The following PCDHGA3 variants were observed in gnomAD, a reference collection of about 807,000 sequenced individuals.
PCDHGA3 encodes protocadherin gamma-A3.
PCDHGA3 carries 40 observed loss-of-function variants against 58.5 expected under a neutral mutation model. The observed-to-expected ratio is 0.68, with a 90% CI of 0.53 to 0.89. The LOEUF (loss-of-function observed/expected upper bound fraction) is 0.89, where lower values mean the gene tolerates loss of function less well. PCDHGA3 is among the 40% of genes least tolerant of loss of function. The pLI is 0.00. For missense variants in PCDHGA3, 1,223 were observed against 1,195.9 expected (o/e 1.02, Z -0.33); for synonymous variants, 530 against 525.7 (o/e 1.01, Z -0.11).
chr5:141,360,247 C>G (rs762222973), intron 1 of PCDHGA3: 2 of 1,613,916 alleles, frequency 1.2e-6, no homozygotes, highest in Non-Finnish European at 1.7e-6. Flanking sequence ...CTATTCAATT[C>G]CAGAGGAGCT....
intron 1 of PCDHGA3, chr5:141,370,706 G>T (rs536075571): frequency 1.2e-5 from 19 of 1,613,790 alleles, no homozygotes; most frequent in Middle Eastern, 1.6e-4. Context: ...CGTGTGTTCT[G>T]GAATTTGAAA....
chr5:141,408,239 C>A, intron 1 of PCDHGA3: 2 of 1,577,720 alleles, frequency 1.3e-6, no homozygotes, highest in South Asian at 2.3e-5. Flanking sequence ...CCGGGCCGGC[C>A]CGCGGCAGGT....
At position 141,462,908 on chromosome 5, in the gene PCDHGA3, T is replaced by G. The variant is rs186061013; in HGVS notation, c.2425-31899T>G. ...AGTTTGTTTTGGAAGGCTATTATGT[T>G]TTTTGCAGATCAGGTTGATCTTTTC... On this transcript the variant is annotated intron_variant, in intron 1 of 3. Coordinates refer to ENST00000253812, the MANE Select transcript of PCDHGA3 (RefSeq NM_018916.4). Among the ~76,000 whole-genome samples the G allele has an allele frequency of 1.4e-4, 21 of 152,362 alleles. No individual in the cohort carries two copies. The East Asian group carries it at 3.5e-3, about 25-fold the overall frequency.
At chr5:141,428,241 A>C (rs1416124194) in intron 1 of PCDHGA3, 1 of 961,518 alleles carries the variant, frequency 1.0e-6, no homozygotes, top group Admixed American at 2.0e-5. Flanking sequence ...TGCAGGAGGC[A>C]CTGCCAGACT....
rs1260157676 is a variant in PCDHGA3, at chr5:141,373,137, T to G, written c.2424+26680T>G. On this transcript the variant is annotated intron_variant, in intron 1 of 3. Transcript: ENST00000253812. ...CAGAATTAGACCCAAATCCTCACAA[T>G]TAAGTGGTTTACTTAGTTTTAATGC... Among the ~76,000 whole-genome samples, 5 of 152,372 alleles carry G rather than the reference T, an allele frequency of 3.3e-5. No individual in the cohort carries two copies. The East Asian group carries it at 7.7e-4, about 23-fold the overall frequency.
At chr5:141,376,418 C>T (rs1354597104) in intron 1 of PCDHGA3, 1 of 1,614,112 alleles carries the variant, frequency 6.2e-7, no homozygotes, top group Admixed American at 1.7e-5. Flanking sequence ...TGCCGACACG[C>T]TTATCAACCA....
At chr5:141,414,313 T>C in intron 1 of PCDHGA3, 1 of 1,613,748 alleles carries the variant, frequency 6.2e-7, no homozygotes, top group Non-Finnish European at 8.5e-7. Context: ...TGATTTAGAC[T>C]CTGAGCAGAA....
At chr5:141,458,567 TTTTGTTTG>T (rs144471304) in intron 1 of PCDHGA3, among the ~76,000 whole-genome samples, 1 of 151,488 alleles carries the variant, frequency 6.6e-6, no homozygotes, top group Non-Finnish European at 1.5e-5. Flanking sequence ...GGTTTTGGGT[TTTTGTTTG>T]TTTGTTTGTT....
Position 141,346,025 on chromosome 5 carries a change from G to A in PCDHGA3, c.1992G>A (p.Val664=). ...CCACTGTCACGCTCACCGTGGCCGT[G>A]GCCGACAGGATCCCCGACATCCTGG... is the stretch of plus-strand genomic sequence containing the variant. ...LSATVTLTVA[V]ADRIPDILAD... Residue 664 remains valine, a synonymous_variant, in exon 1 of 4, where the codon GTG becomes GTA. Transcript: ENST00000253812. The A allele has an allele frequency of 3.7e-6, 6 of 1,613,470 alleles. No individual in the cohort carries two copies. Among genetic ancestry groups the A allele is most frequent in the Non-Finnish European group, 5.1e-6 (6 of 1,179,828 alleles).
Position 141,398,900 on chromosome 5 carries a change from G to A in PCDHGA3, c.2424+52443G>A, listed in dbSNP as rs765284630. Reference sequence around the variant, plus strand: ...AGCCTTCGGGAAAACGTGCCACCAGGCACCACTGTGTTGCAAGTGTCAGCC... The same window carrying A: ...AGCCTTCGGGAAAACGTGCCACCAGACACCACTGTGTTGCAAGTGTCAGCC... On this transcript the variant is annotated intron_variant, in intron 1 of 3. Coordinates refer to ENST00000253812, the MANE Select transcript of PCDHGA3 (RefSeq NM_018916.4). The A allele has an allele frequency of 3.1e-6, 5 of 1,613,846 alleles. No individual in the cohort carries two copies. In the East Asian group the frequency reaches 6.7e-5, roughly 22 times the overall value.
At chr5:141,502,030 C>T (rs1031787021) in intron 2 of PCDHGA3, among the ~76,000 whole-genome samples, 4 of 152,180 alleles carry the variant, frequency 2.6e-5, no homozygotes, top group Non-Finnish European at 4.4e-5. Flanking sequence ...CAACCCCCGC[C>T]GCTTGCCTGC....
chr5:141,370,960 G>A, intron 1 of PCDHGA3: 2 of 1,614,014 alleles, frequency 1.2e-6, no homozygotes, highest in Non-Finnish European at 1.7e-6. Context: ...CTGGATGGCA[G>A]TAGGTACCCA....
At position 141,344,060 on chromosome 5, in the gene PCDHGA3, T is replaced by C. The variant is rs1314111216; in HGVS notation, c.27T>C (p.Asn9=). 2 of 1,563,350 alleles carry C rather than the reference T, an allele frequency of 1.3e-6. No individual in the cohort carries two copies. The highest frequency in any genetic ancestry group is 1.4e-5 in the African/African-American group (1 of 72,730). The change falls in exon 1 of 4, where the codon AAT becomes AAC. Residue 9 remains asparagine, a synonymous_variant. Coordinates refer to ENST00000253812, the MANE Select transcript of PCDHGA3 (RefSeq NM_018916.4). MTNCLSFR[N]GRGLALLCAL... Reference sequence around the variant, plus strand: ...TGACCAATTGCCTGAGTTTCCGAAATGGCAGAGGACTGGCCCTGCTGTGCG... The same window carrying C: ...TGACCAATTGCCTGAGTTTCCGAAACGGCAGAGGACTGGCCCTGCTGTGCG...
At chr5:141,376,288 G>T (rs753554580) in intron 1 of PCDHGA3, 1 of 1,614,216 alleles carries the variant, frequency 6.2e-7, no homozygotes, top group Non-Finnish European at 8.5e-7. Context: ...TAGCGAGCAT[G>T]CCCGGCTCGC....
intron 1 of PCDHGA3, chr5:141,442,120 C>G (rs766641164): frequency 6.0e-6 from 1 of 165,340 alleles, no homozygotes; most frequent in Admixed American, 6.5e-5. Flanking sequence ...CCCTCGTCGC[C>G]GACAGCCTGC....
chr5:141,487,258 G>A lies in PCDHGA3; in HGVS notation c.2425-7549G>A, dbSNP rs368598017. The A allele has an allele frequency of 3.7e-6, 6 of 1,614,026 alleles. No homozygotes were observed. Among genetic ancestry groups the A allele is most frequent in the Non-Finnish European group, 4.2e-6 (5 of 1,180,030 alleles). On this transcript the variant is annotated intron_variant, in intron 1 of 3. Transcript: ENST00000253812. The surrounding 1 kb of genome is among the most constrained non-coding windows in gnomAD (Gnocchi z 5.0). ...CTCGTCTAACCCTCTACTTGGCTGT[G>A]TCCCTAGTGGCAATTTGCTTTGTCT...
intron 1 of PCDHGA3, chr5:141,374,936 A>G: frequency 6.2e-7 from 1 of 1,614,030 alleles, no homozygotes; most frequent in Non-Finnish European, 8.5e-7. Context: ...TGTGAAGATT[A>G]CAGAAAAGAT....
intron 1 of PCDHGA3, among the ~76,000 whole-genome samples, chr5:141,481,675 C>T (rs943204061): frequency 4.0e-5 from 6 of 151,490 alleles, no homozygotes; most frequent in Non-Finnish European, 5.9e-5. Context: ...AAAATCAGGC[C>T]GGGCCTGGTG....
intron 1 of PCDHGA3, chr5:141,400,558 C>T: frequency 1.2e-6 from 2 of 1,613,290 alleles, no homozygotes; most frequent in Non-Finnish European, 1.7e-6. Flanking sequence ...TTTTTCATTA[C>T]CCACCCAATT....
Sources: gnomAD v4.1 joint callset for allele counts (sites outside exome capture counted in the v4.1 genomes callset) on GRCh38, gnomAD v4.1.1 for gene constraint, Gnocchi (gnomAD v3.1) non-coding constraint, MANE v1.5 for transcripts, NCBI Gene and HGNC (gene_info 2026-07-23, HGNC 2026-07-21) for gene names.